The following PBX1 variants were observed in gnomAD, a reference collection of about 807,000 sequenced individuals.
PBX1 encodes the protein pre-B-cell leukemia transcription factor 1.
In PBX1, 6 loss-of-function variants were observed where a neutral mutation model predicts 53.4. That is an observed-to-expected ratio of 0.11 (90% CI 0.06 to 0.22). The LOEUF is 0.22. PBX1 is among the 10% of genes least tolerant of loss of function. PBX1 has a pLI of 1.00. For missense variants in PBX1, 251 were observed against 551.4 expected, an observed-to-expected ratio of 0.46 and a Z score of 5.46; for synonymous variants, 204 against 212.3, an observed-to-expected ratio of 0.96 and a Z score of 0.34.
intron 8 of PBX1, chr1:164,831,496 C>T (rs1257104369): frequency 6.6e-6 from 1 of 152,306 alleles, no homozygotes; most frequent in East Asian, 1.9e-4. Flanking sequence ...TCATGCCATT[C>T]TTCTGCCTCA....
At chr1:164,601,966 A>G (rs1019986024) in intron 2 of PBX1, among the ~76,000 whole-genome samples, 20 of 152,202 alleles carry the variant, frequency 1.3e-4, no homozygotes, top group African/African-American at 4.1e-4. Flanking sequence ...GTGGGGATTC[A>G]GCTCTGTGGC....
intron 2 of PBX1, among the ~76,000 whole-genome samples, chr1:164,872,614 T>C (rs1672408442): frequency 6.6e-6 from 1 of 152,192 alleles, no homozygotes; most frequent in Non-Finnish European, 1.5e-5. Flanking sequence ...TTTCTCTTTG[T>C]TCCAGACAAT....
At chr1:164,584,408 G>C (rs1654820961) in intron 2 of PBX1, among the ~76,000 whole-genome samples, 1 of 152,034 alleles carries the variant, frequency 6.6e-6, no homozygotes, top group Non-Finnish European at 1.5e-5. Context: ...TTGTCTGCTT[G>C]AAGGATACTA....
intron 2 of PBX1, among the ~76,000 whole-genome samples, chr1:164,592,239 T>G (rs184770267): frequency 5.9e-5 from 9 of 152,248 alleles, no homozygotes; most frequent in African/African-American, 2.2e-4. Flanking sequence ...GGCTCATAGT[T>G]TGAGTGTGAG....
intron 2 of PBX1, among the ~76,000 whole-genome samples, chr1:164,663,970 A>G (rs1660661639): frequency 6.6e-6 from 1 of 152,226 alleles, no homozygotes. Flanking sequence ...GGGGGTTTCA[A>G]ACAGTCTCCC....
chr1:164,828,183 G>A (rs1330972843), intron 8 of PBX1, among the ~76,000 whole-genome samples: 1 of 152,142 alleles, frequency 6.6e-6, no homozygotes, highest in Non-Finnish European at 1.5e-5. Context: ...TCTCTTTGTA[G>A]AACTAGTTGC....
At chr1:164,802,974 A>C (rs1669158603) in intron 4 of PBX1, among the ~76,000 whole-genome samples, 1 of 152,194 alleles carries the variant, frequency 6.6e-6, no homozygotes, top group African/African-American at 2.4e-5. Flanking sequence ...TGGAAATAAC[A>C]GTAACACAAA....
chr1:164,701,141 T>A (rs1203232429), intron 2 of PBX1, among the ~76,000 whole-genome samples: 1 of 152,228 alleles, frequency 6.6e-6, no homozygotes, highest in East Asian at 1.9e-4. Flanking sequence ...TTTTTGCATT[T>A]TTTTTTCCCC....
chr1:164,719,686 T>C (rs1252089669), intron 2 of PBX1, among the ~76,000 whole-genome samples: 2 of 151,852 alleles, frequency 1.3e-5, no homozygotes, highest in African/African-American at 4.8e-5. Context: ...GTTTTTGTCT[T>C]ATCCAATGAA....
At chr1:164,729,112 T>G (rs920899742) in intron 2 of PBX1, among the ~76,000 whole-genome samples, 3 of 152,180 alleles carry the variant, frequency 2.0e-5, no homozygotes, top group African/African-American at 7.2e-5. Context: ...TCAAGCAGAA[T>G]TTTCAAGGCA....
rs117300199 is a variant in PBX1, at chr1:164,658,748, A to G, written c.265+95437A>G. On this transcript the variant is annotated intron_variant, in intron 2 of 8. Transcript: ENST00000420696. ...TTGGGATTTTAATAGTTACCTTATA[A>G]TAATAACAGCCAATATTTATTGAGC... Among the ~76,000 whole-genome samples the G allele has an allele frequency of 9.0e-4, 137 of 152,334 alleles. 3 individuals are homozygous for G. The East Asian group carries it at 0.023, about 25-fold the overall frequency.
At chr1:164,869,283 A>G (rs781705538) in intron 2 of PBX1, among the ~76,000 whole-genome samples, 3 of 152,214 alleles carry the variant, frequency 2.0e-5, no homozygotes, top group Non-Finnish European at 2.9e-5. Flanking sequence ...TTCTAAGTCC[A>G]TAGTTAAAAC....
chr1:164,640,559 T>G (rs1659068184), intron 2 of PBX1, among the ~76,000 whole-genome samples: 1 of 35,560 alleles, frequency 2.8e-5, no homozygotes, highest in East Asian at 1.4e-3. Context: ...TTTTTTTGTG[T>G]TTTTTTTTTT....
intron 2 of PBX1, among the ~76,000 whole-genome samples, chr1:164,719,577 A>T (rs1398078233): frequency 6.6e-6 from 1 of 152,070 alleles, no homozygotes; most frequent in Admixed American, 6.6e-5. Flanking sequence ...GGATACGGGG[A>T]GGCGCAGGCA....
chr1:164,874,031 C>G (rs576463031), intron 2 of PBX1, among the ~76,000 whole-genome samples: 1 of 149,020 alleles, frequency 6.7e-6, no homozygotes, highest in African/African-American at 2.5e-5. Context: ...GAAAAAGAGG[C>G]ATGAAAGGAG....
chr1:164,772,945 G>C (rs1667447624), intron 2 of PBX1: 3 of 152,168 alleles, frequency 2.0e-5, no homozygotes, highest in Admixed American at 2.0e-4. Context: ...ACCATATCCA[G>C]TTCTGGGCTC....
chr1:164,724,777 G>T lies in PBX1; in HGVS notation c.266-67717G>T, dbSNP rs116395029. ...AAGTGCCTCATTAAAATGGGGAATGGTCTGCAATTTCTAAACCACTCTTCC... is the reference window on the plus strand; with the variant it reads ...AAGTGCCTCATTAAAATGGGGAATGTTCTGCAATTTCTAAACCACTCTTCC... On this transcript the variant is annotated intron_variant, in intron 2 of 8. Transcript: ENST00000420696. Among the ~76,000 whole-genome samples, 8 of 138,198 alleles carry T rather than the reference G, an allele frequency of 5.8e-5. No individual in the cohort carries two copies. In the South Asian group the frequency reaches 1.6e-3, roughly 28 times the overall value. 90.7% of individuals were successfully genotyped at this position (138,198 alleles called of 152,430 possible). A position where few individuals can be genotyped will look rare whatever the true frequency, so the allele number is the denominator to read the frequency against.
chr1:164,821,268 T>G (rs755530200), intron 7 of PBX1, among the ~76,000 whole-genome samples: 28 of 152,182 alleles, frequency 1.8e-4, no homozygotes, highest in Non-Finnish European at 4.0e-4. Context: ...ATCCTTACCA[T>G]CTCATGCAGA....
At chr1:164,671,548 G>A (rs2101972865) in intron 2 of PBX1, among the ~76,000 whole-genome samples, 1 of 152,238 alleles carries the variant, frequency 6.6e-6, no homozygotes, top group South Asian at 2.1e-4. Flanking sequence ...TTTACCGCCT[G>A]CTTCATCTTT....
Sources: allele counts gnomAD v4.1 joint callset (sites outside exome capture counted in the v4.1 genomes callset), GRCh38; gene constraint gnomAD v4.1.1; transcripts MANE v1.5; gene names NCBI Gene and HGNC (gene_info 2026-07-23, HGNC 2026-07-21).